Variants in RRAS2 observed in about 807,000 individuals in gnomAD.
The protein encoded by RRAS2 is RAS related 2.
RRAS2 carries 7 observed loss-of-function variants against 27.6 expected under a neutral mutation model. The ratio of observed to expected loss-of-function variants is 0.25; its 90% CI spans 0.14 to 0.48. RRAS2 has a LOEUF of 0.48. RRAS2 is among the 20% of genes least tolerant of loss of function. The probability of loss-of-function intolerance (pLI) is 0.99; values close to 1 mark genes in which losing one functional copy is unlikely to be tolerated. For missense variants in RRAS2, 178 were observed against 256.2 expected (o/e 0.69, Z 2.08); for synonymous variants, 86 against 90.9 (o/e 0.95, Z 0.31).
chr11:14,348,918 C>T (rs574948994), intron 1 of RRAS2, among the ~76,000 whole-genome samples: 48 of 152,208 alleles, frequency 3.2e-4, no homozygotes, highest in South Asian at 1.5e-3. Flanking sequence ...TACAGATGTA[C>T]GCATGTGTAT....
At chr11:14,356,415 G>T (rs1431043172) in intron 1 of RRAS2, among the ~76,000 whole-genome samples, 1 of 152,124 alleles carries the variant, frequency 6.6e-6, no homozygotes, top group South Asian at 2.1e-4. Flanking sequence ...ACATGTTACA[G>T]AACTGTAGGC....
chr11:14,302,412 C>G (rs1329044274), intron 1 of RRAS2, among the ~76,000 whole-genome samples: 2 of 152,140 alleles, frequency 1.3e-5, no homozygotes, highest in African/African-American at 4.8e-5. Flanking sequence ...GAAGAAAACA[C>G]AAGGGCTCTG....
At chr11:14,309,561 T>A (rs1338272635) in intron 1 of RRAS2, among the ~76,000 whole-genome samples, 1 of 152,106 alleles carries the variant, frequency 6.6e-6, no homozygotes, top group African/African-American at 2.4e-5. Flanking sequence ...TGATACTGCA[T>A]AAGATAGCCA....
chr11:14,295,722 TA>T, intron 2 of RRAS2, 45 bp downstream of exon 2: 1 of 1,473,174 alleles, frequency 6.8e-7, no homozygotes, highest in Non-Finnish European at 9.3e-7. Flanking sequence ...CTTACTTTTT[TA>T]AAAAATATGA....
At chr11:14,348,267 T>C (rs1343702739) in intron 1 of RRAS2, among the ~76,000 whole-genome samples, 2 of 152,242 alleles carry the variant, frequency 1.3e-5, no homozygotes, top group East Asian at 3.8e-4. Context: ...CATGGGCAAG[T>C]TGGTGTCAGA....
At chr11:14,339,542 T>G (rs1237250088) in intron 1 of RRAS2, among the ~76,000 whole-genome samples, 1 of 152,158 alleles carries the variant, frequency 6.6e-6, no homozygotes, top group Non-Finnish European at 1.5e-5. Flanking sequence ...ACTTAGCACT[T>G]CCTCTATAAA....
Position 14,352,781 on chromosome 11 carries a change from G to A in RRAS2, c.108+5982C>T, listed in dbSNP as rs151125574. 1.1e-3 allele frequency among the ~76,000 whole-genome samples: 146 copies of A among 128,980 alleles called. 1 individual carries two copies. The East Asian group carries it at 0.011, about 10-fold the overall frequency. 84.6% of individuals were successfully genotyped at this position (128,980 alleles called of 152,430 possible). On this transcript the variant is annotated intron_variant, in intron 1 of 5. Coordinates refer to ENST00000256196, the MANE Select transcript of RRAS2 (RefSeq NM_012250.6). Reference sequence around the variant, plus strand: ...TAGAGAGAGAGAGAGAGAGAGAGAGGGAGAGAGAGAGAGAGAGACATTTTT... The same window carrying A: ...TAGAGAGAGAGAGAGAGAGAGAGAGAGAGAGAGAGAGAGAGAGACATTTTT...
chr11:14,284,708 T>C (rs1025746777), intron 4 of RRAS2, among the ~76,000 whole-genome samples: 1 of 152,222 alleles, frequency 6.6e-6, no homozygotes, highest in Admixed American at 6.5e-5. Context: ...TTATGTCCTC[T>C]TGAGGAATTA....
At chr11:14,279,550 G>C (rs1849463766) in intron 5 of RRAS2, 126 bp from the exon 6 acceptor site, 5 of 727,504 alleles carry the variant, frequency 6.9e-6, no homozygotes, top group Middle Eastern at 5.5e-4. Flanking sequence ...TTCAACGAGG[G>C]AATTTCTCTC....
chr11:14,291,605 T>C (rs1287639685), intron 4 of RRAS2, among the ~76,000 whole-genome samples: 1 of 152,186 alleles, frequency 6.6e-6, no homozygotes, highest in Non-Finnish European at 1.5e-5. Flanking sequence ...TACGTATCTT[T>C]AGGGTGACTG....
intron 4 of RRAS2, among the ~76,000 whole-genome samples, chr11:14,287,905 C>A (rs375354057): frequency 1.3e-4 from 20 of 150,224 alleles, no homozygotes; most frequent in Middle Eastern, 3.4e-3. Context: ...AAGAAAAAAA[C>A]GAAATGTTAA....
chr11:14,358,551 C>CT lies in RRAS2; in HGVS notation c.108+211dup. The CT allele has an allele frequency of 1.0e-6, 1 of 986,410 alleles. No homozygotes were observed. The highest frequency in any genetic ancestry group is 1.2e-6 in the Non-Finnish European group (1 of 830,806). 61.1% of individuals were successfully genotyped at this position (986,410 alleles called of 1,614,324 possible). On this transcript the variant is annotated intron_variant, in intron 1 of 5. Coordinates refer to ENST00000256196, the MANE Select transcript of RRAS2 (RefSeq NM_012250.6). This position sits in a 1 kb window ranked among gnomAD's most constrained non-coding sequence, Gnocchi z 5.1. Reference sequence around the variant, plus strand: ...CCGACCACATTCCTGAGAAGCCCTACTCCCGCGACGCCGCGCCCGGGAGGA... The same window carrying CT: ...CCGACCACATTCCTGAGAAGCCCTACTTCCCGCGACGCCGCGCCCGGGAGGA...
chr11:14,314,783 G>A (rs957570837), intron 1 of RRAS2, among the ~76,000 whole-genome samples: 15 of 152,278 alleles, frequency 9.9e-5, no homozygotes, highest in African/African-American at 3.6e-4. Context: ...TCCGCCTCCA[G>A]GTTCAAGTGA....
At chr11:14,356,206 A>T (rs1470423520) in intron 1 of RRAS2, among the ~76,000 whole-genome samples, 1 of 152,140 alleles carries the variant, frequency 6.6e-6, no homozygotes, top group Non-Finnish European at 1.5e-5. Flanking sequence ...CTCTCCAAAA[A>T]GGCTCCTTTT....
At chr11:14,337,126 T>C (rs1288093410) in intron 1 of RRAS2, 1 of 152,104 alleles carries the variant, frequency 6.6e-6, no homozygotes, top group African/African-American at 2.4e-5. Context: ...TCACTTTCCT[T>C]GGTTTCAGTT....
At chr11:14,323,415 A>T (rs1330694563) in intron 1 of RRAS2, among the ~76,000 whole-genome samples, 1 of 152,042 alleles carries the variant, frequency 6.6e-6, no homozygotes, top group Non-Finnish European at 1.5e-5. Flanking sequence ...GTGAGATCAC[A>T]CCACTGCACT....
intron 1 of RRAS2, among the ~76,000 whole-genome samples, chr11:14,298,652 C>G (rs1340268744): frequency 6.6e-6 from 1 of 152,200 alleles, no homozygotes; most frequent in Non-Finnish European, 1.5e-5. Flanking sequence ...CCAATCTTTG[C>G]TGTGTCCTAT....
intron 1 of RRAS2, among the ~76,000 whole-genome samples, chr11:14,357,705 G>A (rs1849112382): frequency 6.6e-6 from 1 of 151,982 alleles, no homozygotes; most frequent in South Asian, 2.1e-4. Context: ...ATGACAAATG[G>A]GTGAAAAGGA....
At chr11:14,351,362 C>T (rs1848946795) in intron 1 of RRAS2, among the ~76,000 whole-genome samples, 1 of 152,152 alleles carries the variant, frequency 6.6e-6, no homozygotes, top group South Asian at 2.1e-4. Flanking sequence ...CAAACAAATT[C>T]TACACATCAG....
Sources: allele counts gnomAD v4.1 joint callset (sites outside exome capture counted in the v4.1 genomes callset), GRCh38; gene constraint gnomAD v4.1.1; non-coding constraint Gnocchi (gnomAD v3.1); transcripts MANE v1.5; gene names NCBI Gene and HGNC (gene_info 2026-07-23, HGNC 2026-07-21).